Variants in RTN1 observed in about 807,000 individuals in gnomAD.
RTN1 encodes reticulon 1, also known as reticulon-1.
RTN1 carries 25 observed loss-of-function variants against 65.5 expected under a neutral mutation model. The observed-to-expected ratio is 0.38, with a 90% CI of 0.28 to 0.53. The LOEUF (loss-of-function observed/expected upper bound fraction) is 0.53. Ranked by LOEUF, RTN1 falls within the 20% of genes least tolerant of loss-of-function variation. The pLI is 0.79. For missense variants in RTN1, 983 were observed against 1,025.4 expected, an observed-to-expected ratio of 0.96 and a Z score of 0.57; for synonymous variants, 471 against 447.6, an observed-to-expected ratio of 1.05 and a Z score of -0.66.
At chr14:59,859,128 T>C (rs144710510) in intron 1 of RTN1, among the ~76,000 whole-genome samples, 1 of 152,310 alleles carries the variant, frequency 6.6e-6, no homozygotes, top group East Asian at 1.9e-4. Flanking sequence ...CCAGTTTCAT[T>C]AGTATGTGGT....
intron 1 of RTN1, among the ~76,000 whole-genome samples, chr14:59,861,239 A>T (rs1208715358): frequency 3.3e-5 from 5 of 152,114 alleles, no homozygotes; most frequent in Admixed American, 3.3e-4. Context: ...TGCTGTTCTC[A>T]TGATAGTGAA....
At chr14:59,614,934 T>C (rs1882061424) in intron 3 of RTN1, among the ~76,000 whole-genome samples, 1 of 152,194 alleles carries the variant, frequency 6.6e-6, no homozygotes, top group African/African-American at 2.4e-5. Flanking sequence ...AATGTGTTTT[T>C]GGTAAAAGAT....
intron 2 of RTN1, among the ~76,000 whole-genome samples, chr14:59,739,008 AG>A (rs1885060703): frequency 1.3e-5 from 2 of 152,198 alleles, no homozygotes; most frequent in South Asian, 4.1e-4. Flanking sequence ...CAGACGGTGA[AG>A]GGGGAGGAAG....
At chr14:59,725,140 C>A (rs1233185904) in intron 3 of RTN1, among the ~76,000 whole-genome samples, 1 of 152,210 alleles carries the variant, frequency 6.6e-6, no homozygotes, top group African/African-American at 2.4e-5. Context: ...GAAGCCTTTG[C>A]ATTCACAGCT....
At chr14:59,724,724 C>T (rs1200521891) in intron 3 of RTN1, among the ~76,000 whole-genome samples, 2 of 105,056 alleles carry the variant, frequency 1.9e-5, no homozygotes, top group South Asian at 2.6e-4. Flanking sequence ...CTGTGTCAGA[C>T]GAAAAAAAAA....
At chr14:59,845,007 AAT>A (rs1887380061) in intron 1 of RTN1, among the ~76,000 whole-genome samples, 1 of 152,232 alleles carries the variant, frequency 6.6e-6, no homozygotes, top group South Asian at 2.1e-4. Flanking sequence ...AGAACTAGTT[AAT>A]GTTTCTCCAT....
intron 1 of RTN1, among the ~76,000 whole-genome samples, chr14:59,785,055 G>A (rs1282764495): frequency 6.6e-6 from 1 of 152,168 alleles, no homozygotes; most frequent in Non-Finnish European, 1.5e-5. Context: ...CTACAACACT[G>A]TAGAGATGAT....
rs192045239 is a variant in RTN1, at chr14:59,760,609, C to T, written c.242-14128G>A. On this transcript the variant is annotated intron_variant, in intron 1 of 8. Transcript: ENST00000267484. ...AGCCCAGCTTCCTTCTTCCACATGA[C>T]AGACTTTCAAACATTTGAAGACAGC... is the stretch of plus-strand genomic sequence containing the variant. Among the ~76,000 whole-genome samples the T allele has an allele frequency of 4.1e-3, 629 of 152,328 alleles. 14 individuals are homozygous for T. Among genetic ancestry groups the T allele is most frequent in the Admixed American group, 0.036 (546 of 15,306 alleles).
At position 59,596,621 on chromosome 14, in the gene RTN1, G is replaced by A; in HGVS notation, c.*124C>T. 1.3e-6 allele frequency: 1 copy of A among 779,374 alleles called. No homozygotes were observed. Among genetic ancestry groups the A allele is most frequent in the South Asian group, 1.5e-5 (1 of 66,776 alleles). 48.3% of individuals were successfully genotyped at this position (779,374 alleles called of 1,614,324 possible). Reference sequence around the variant, plus strand: ...CCTAAAAACAGCTGTTTTAAGGTTTGTCTCTAAGATTATGGTACTGGAGGG... The same window carrying A: ...CCTAAAAACAGCTGTTTTAAGGTTTATCTCTAAGATTATGGTACTGGAGGG... On this transcript the variant is annotated 3_prime_UTR_variant, in exon 9 of 9. Coordinates refer to ENST00000267484, the MANE Select transcript of RTN1 (RefSeq NM_021136.3).
chr14:59,610,328 C>G, intron 3 of RTN1: 1 of 566,100 alleles, frequency 1.8e-6, no homozygotes, highest in African/African-American at 1.9e-5. Flanking sequence ...CAGGAGGTTT[C>G]TAATAAGGAG....
chr14:59,831,790 G>C (rs1456668231), intron 1 of RTN1, among the ~76,000 whole-genome samples: 1 of 151,556 alleles, frequency 6.6e-6, no homozygotes, highest in Non-Finnish European at 1.5e-5. Flanking sequence ...TATTGGTTCT[G>C]TCTCTCTGGA....
At chr14:59,630,470 C>T (rs1383112536) in intron 3 of RTN1, 2 of 1,613,922 alleles carry the variant, frequency 1.2e-6, no homozygotes, top group East Asian at 2.2e-5. Context: ...TTGCTCCACA[C>T]ACAGTCCATC....
chr14:59,790,393 T>A lies in RTN1; in HGVS notation c.242-43912A>T, dbSNP rs1257036772. 6.6e-6 allele frequency among the ~76,000 whole-genome samples: 1 copy of A among 152,146 alleles called. No homozygotes were observed. The highest frequency in any genetic ancestry group is 1.9e-4 in the East Asian group (1 of 5,200). ...GAGGTTTGTGTTCCTTTTGGTTTTTTTAATGTTTAAATTTAAAACTAATAA... is the reference window on the plus strand; with the variant it reads ...GAGGTTTGTGTTCCTTTTGGTTTTTATAATGTTTAAATTTAAAACTAATAA... On this transcript the variant is annotated intron_variant, in intron 1 of 8. Transcript: ENST00000267484. This position sits in a 1 kb window ranked among gnomAD's most constrained non-coding sequence, Gnocchi z 4.1.
rs187824155 is a variant in RTN1, at chr14:59,641,895, A to G, written c.1766-34403T>C. On this transcript the variant is annotated intron_variant, in intron 3 of 8. Transcript: ENST00000267484. ...GTTTTTTGTTGTAAAAAAATTAATA[A>G]TCTTTCACATTTACTCACATATTTA... Among the ~76,000 whole-genome samples, 7 of 152,268 alleles carry G rather than the reference A, an allele frequency of 4.6e-5. No homozygotes were observed. The East Asian group carries it at 1.4e-3, about 29-fold the overall frequency.
chr14:59,754,918 A>G (rs1206436584), intron 1 of RTN1, among the ~76,000 whole-genome samples: 1 of 152,128 alleles, frequency 6.6e-6, no homozygotes, highest in East Asian at 1.9e-4. Flanking sequence ...GCGGTTCATT[A>G]CGTACTTTAA....
chr14:59,654,567 T>C (rs576783560), intron 3 of RTN1, among the ~76,000 whole-genome samples: 1 of 146,900 alleles, frequency 6.8e-6, no homozygotes, highest in East Asian at 2.0e-4. Context: ...TGAATATAGA[T>C]GCCAAAATAT....
chr14:59,781,228 G>T (rs1886148775), intron 1 of RTN1, among the ~76,000 whole-genome samples: 1 of 151,722 alleles, frequency 6.6e-6, no homozygotes, highest in Non-Finnish European at 1.5e-5. Flanking sequence ...GCTCCCTTCT[G>T]CTTGTTCACT....
chr14:59,596,154 T>C lies in RTN1; in HGVS notation c.*591A>G, dbSNP rs746537217. On this transcript the variant is annotated 3_prime_UTR_variant, in exon 9 of 9. Transcript: ENST00000267484. ...CATGTAAATCAGCCCACCAATCCCA[T>C]ACAACAAAAGTACTGCATGTTTGTT... 5.9e-5 allele frequency: 9 copies of C among 152,554 alleles called. No individual in the cohort carries two copies. The highest frequency in any genetic ancestry group is 1.0e-4 in the Non-Finnish European group (7 of 68,046). 9.5% of individuals were successfully genotyped at this position (152,554 alleles called of 1,614,324 possible). A position where few individuals can be genotyped will look rare whatever the true frequency, so the allele number is the denominator to read the frequency against.
rs1886330199 is a variant in RTN1, at chr14:59,790,567, C to T, written c.242-44086G>A. Among the ~76,000 whole-genome samples the T allele has an allele frequency of 6.6e-6, 1 of 152,040 alleles. No homozygotes were observed. Among genetic ancestry groups the T allele is most frequent in the South Asian group, 2.1e-4 (1 of 4,830 alleles). ...ATTTGGTTTTGTGTGTGAAAGATGC[C>T]TGAAGAATTCATTCTCTGGCGTCAA... is the stretch of plus-strand genomic sequence containing the variant. On this transcript the variant is annotated intron_variant, in intron 1 of 8. Transcript: ENST00000267484. This position sits in a 1 kb window ranked among gnomAD's most constrained non-coding sequence, Gnocchi z 4.1.
Sources: allele counts gnomAD v4.1 joint callset (sites outside exome capture counted in the v4.1 genomes callset), GRCh38; gene constraint gnomAD v4.1.1; non-coding constraint Gnocchi (gnomAD v3.1); transcripts MANE v1.5; gene names NCBI Gene and HGNC (gene_info 2026-07-23, HGNC 2026-07-21).